PI4KA: variants seen among roughly 807,000 people sequenced by gnomAD.
PI4KA encodes PI4-kinase alpha.
Under a neutral mutation model 271.4 loss-of-function variants are expected in PI4KA, and 122 were observed. That is an observed-to-expected ratio of 0.45 (90% confidence interval 0.39 to 0.52). PI4KA has a LOEUF of 0.52. PI4KA is among the 20% of genes least tolerant of loss of function. The pLI, the probability that PI4KA is intolerant of heterozygous loss-of-function variation, is 0.00. For synonymous variants in PI4KA, 1,041 were observed against 1,078.8 expected, an observed-to-expected ratio of 0.96 and a Z score of 0.69; for missense variants, 1,969 against 2,769.1, an observed-to-expected ratio of 0.71 and a Z score of 6.48.
intron 26 of PI4KA, 74 bp downstream of exon 26, chr22:20,751,600 C>A: frequency 8.0e-7 from 1 of 1,253,090 alleles, no homozygotes; most frequent in South Asian, 1.2e-5. Context: ...TGCCACAACA[C>A]AGGGCGGACA....
intron 22 of PI4KA, among the ~76,000 whole-genome samples, chr22:20,763,123 G>GT (rs910133876): frequency 4.7e-5 from 7 of 150,040 alleles, no homozygotes; most frequent in East Asian, 2.0e-4. Context: ...TTAGCCATTT[G>GT]TTTTTTTGAG....
At chr22:20,827,863 C>T (rs947573454) in intron 3 of PI4KA, among the ~76,000 whole-genome samples, 6 of 152,254 alleles carry the variant, frequency 3.9e-5, no homozygotes, top group Admixed American at 2.6e-4. Context: ...GGCACAATCG[C>T]GGCTCACTGC....
chr22:20,773,066 G>A (rs1421139393), intron 19 of PI4KA, among the ~76,000 whole-genome samples: 1 of 151,906 alleles, frequency 6.6e-6, no homozygotes, highest in Non-Finnish European at 1.5e-5. Context: ...ACTCCAGCCT[G>A]GGTAACAGAG....
At chr22:20,851,330 G>GTTT (rs1341609712) in intron 1 of PI4KA, among the ~76,000 whole-genome samples, 1 of 151,574 alleles carries the variant, frequency 6.6e-6, no homozygotes, top group Non-Finnish European at 1.5e-5. Context: ...ATAGCCTTGG[G>GTTT]TTTTTTTTGT....
At chr22:20,743,026 T>A in intron 30 of PI4KA, 1 of 506,298 alleles carries the variant, frequency 2.0e-6, no homozygotes, top group South Asian at 2.4e-5. Flanking sequence ...GGGAACCTTG[T>A]CCCTCATCAT....
At chr22:20,734,602 G>A (rs1330783251) in intron 32 of PI4KA, 49 bp from the exon 33 acceptor site, 2 of 1,530,218 alleles carry the variant, frequency 1.3e-6, no homozygotes, top group East Asian at 2.2e-5. Context: ...ACAAAAAGGG[G>A]CTACTGTCAA....
chr22:20,784,107 G>A, intron 19 of PI4KA: 2 of 1,614,186 alleles, frequency 1.2e-6, no homozygotes, highest in African/African-American at 2.7e-5. Flanking sequence ...GAGCTGGACT[G>A]CGACATCCTC....
chr22:20,856,261 G>A (rs896447852), intron 1 of PI4KA, among the ~76,000 whole-genome samples: 8 of 150,504 alleles, frequency 5.3e-5, no homozygotes, highest in African/African-American at 2.0e-4. Context: ...GCAGTGAGCC[G>A]AGATCTCACC....
chr22:20,800,130 T>C (rs1176476407), intron 14 of PI4KA, among the ~76,000 whole-genome samples: 1 of 152,060 alleles, frequency 6.6e-6, no homozygotes, highest in African/African-American at 2.4e-5. Flanking sequence ...TATACCAAGG[T>C]TTTCATGGTA....
intron 21 of PI4KA, 51 bp downstream of exon 21, chr22:20,765,049 C>G (rs1243849018): frequency 1.9e-6 from 3 of 1,586,480 alleles, no homozygotes; most frequent in African/African-American, 2.7e-5. Context: ...GTGAAAAGAT[C>G]TGCCCTAATT....
intron 14 of PI4KA, among the ~76,000 whole-genome samples, chr22:20,801,335 C>G (rs1935316623): frequency 6.6e-6 from 1 of 151,956 alleles, no homozygotes; most frequent in Non-Finnish European, 1.5e-5. Flanking sequence ...CTTGTAATCC[C>G]AGCACTTTGG....
At chr22:20,777,209 TTTTTC>T (rs1466136017) in intron 19 of PI4KA, among the ~76,000 whole-genome samples, 1 of 151,636 alleles carries the variant, frequency 6.6e-6, no homozygotes, top group African/African-American at 2.4e-5. Context: ...AGGCTAATTA[TTTTTC>T]TTTTCTTTTT....
intron 19 of PI4KA, among the ~76,000 whole-genome samples, chr22:20,769,095 T>C (rs998561851): frequency 6.6e-6 from 1 of 152,122 alleles, no homozygotes; most frequent in Non-Finnish European, 1.5e-5. Context: ...ATGGAAAGGG[T>C]TGCGCTTCTA....
chr22:20,828,480 T>C (rs1261441744), intron 3 of PI4KA, among the ~76,000 whole-genome samples: 2 of 152,156 alleles, frequency 1.3e-5, no homozygotes, highest in African/African-American at 4.8e-5. Flanking sequence ...AGTATAATGA[T>C]GGCTATGGGT....
At chr22:20,770,579 G>GACACACACACACAC (rs528696021) in intron 19 of PI4KA, among the ~76,000 whole-genome samples, 20 of 96,024 alleles carry the variant, frequency 2.1e-4, no homozygotes, top group Non-Finnish European at 2.7e-4. Flanking sequence ...GCTGGACACG[G>GACACACACACACAC]ACACACACAC....
chr22:20,762,367 C>T (rs1341912247), intron 22 of PI4KA, among the ~76,000 whole-genome samples: 1 of 152,206 alleles, frequency 6.6e-6, no homozygotes, highest in Non-Finnish European at 1.5e-5. Context: ...AAAGCTCTCT[C>T]AATACCCAGT....
intron 26 of PI4KA, 23 bp from the exon 27 acceptor site, chr22:20,751,399 T>C (rs1395511718): frequency 1.2e-6 from 2 of 1,604,022 alleles, no homozygotes; most frequent in South Asian, 2.2e-5. Flanking sequence ...CAAGACTCCC[T>C]CTTCCAAACT....
intron 19 of PI4KA, among the ~76,000 whole-genome samples, chr22:20,792,684 A>G (rs1163175775): frequency 1.3e-5 from 2 of 152,230 alleles, no homozygotes; most frequent in Non-Finnish European, 2.9e-5. Flanking sequence ...CAGGATGGAA[A>G]CAGGCTCTCC....
At chr22:20,713,878 G>A (rs1925650684) in intron 47 of PI4KA, among the ~76,000 whole-genome samples, 1 of 152,252 alleles carries the variant, frequency 6.6e-6, no homozygotes, top group Non-Finnish European at 1.5e-5. Flanking sequence ...ACCTTAAAAT[G>A]TGTCCTTATT....
Sources: gnomAD v4.1 joint callset for allele counts (sites outside exome capture counted in the v4.1 genomes callset) on GRCh38, gnomAD v4.1.1 for gene constraint, MANE v1.5 for transcripts, NCBI Gene and HGNC (gene_info 2026-07-23, HGNC 2026-07-21) for gene names.